Variants in CRYBG1 observed in about 807,000 individuals in gnomAD.
The protein encoded by CRYBG1 is beta/gamma crystallin domain-containing protein 1.
CRYBG1 carries 139 observed loss-of-function variants against 189.2 expected under a neutral mutation model. The observed-to-expected ratio is 0.73, with a 90% CI of 0.64 to 0.85. The LOEUF is 0.85. Ranked by LOEUF, CRYBG1 falls within the 40% of genes least tolerant of loss-of-function variation. The probability of loss-of-function intolerance (pLI) is 0.00; values close to 1 mark genes in which losing one functional copy is unlikely to be tolerated. For synonymous variants in CRYBG1, 1,023 were observed against 1,017.1 expected, an observed-to-expected ratio of 1.01 and a Z score of -0.11; for missense variants, 2,611 against 2,675.8, an observed-to-expected ratio of 0.98 and a Z score of 0.53.
At chr6:106,401,051 C>T (rs1487645797) in intron 1 of CRYBG1, among the ~76,000 whole-genome samples, 2 of 152,168 alleles carry the variant, frequency 1.3e-5, no homozygotes, top group Non-Finnish European at 2.9e-5. Flanking sequence ...ACTATATTTC[C>T]TCCTGCAAGC....
chr6:106,451,788 G>A lies in CRYBG1; in HGVS notation c.268G>A (p.Glu90Lys), dbSNP rs1278955484. Residue 90 changes from glutamate (E) to lysine (K), a missense_variant, in exon 2 of 22, where the codon GAG (glutamate) becomes AAG (lysine). Around this residue, in one of 3 missense-constraint regions of CRYBG1, gnomAD observed 985 missense variants for 924.4 expected, o/e 1.07. Transcript: ENST00000633556. ...ATCCCAGTTCTTCCACACCACCAGTGAGGCGCTTGGTTCCTTACTTCTAGA... is the reference window on the plus strand; with the variant it reads ...ATCCCAGTTCTTCCACACCACCAGTAAGGCGCTTGGTTCCTTACTTCTAGA... ...GESQFFHTTS[E>K]ALGSLLLESG... The A allele has an allele frequency of 1.3e-6, 2 of 1,535,100 alleles. No homozygotes were observed. The highest frequency in any genetic ancestry group is 1.7e-6 in the Non-Finnish European group (2 of 1,146,526).
chr6:106,383,369 G>A (rs1443185030), intron 1 of CRYBG1, among the ~76,000 whole-genome samples: 1 of 152,166 alleles, frequency 6.6e-6, no homozygotes, highest in Non-Finnish European at 1.5e-5. Flanking sequence ...CTTGCCAAGG[G>A]CACCAGGCTA....
chr6:106,391,867 A>T (rs895336540), intron 1 of CRYBG1, among the ~76,000 whole-genome samples: 1 of 151,960 alleles, frequency 6.6e-6, no homozygotes, highest in African/African-American at 2.4e-5. Context: ...TTGTCATTAG[A>T]GGTGCTCCCA....
intron 2 of CRYBG1, among the ~76,000 whole-genome samples, chr6:106,468,636 G>GTCTCACTCTATCAC (rs1772160873): frequency 6.6e-6 from 1 of 152,202 alleles, no homozygotes; most frequent in Admixed American, 6.5e-5. Flanking sequence ...GCTGCAGTGA[G>GTCTCACTCTATCAC]CCATGATAGT....
intron 21 of CRYBG1, among the ~76,000 whole-genome samples, chr6:106,566,610 T>C (rs1774896953): frequency 6.6e-6 from 1 of 151,820 alleles, no homozygotes; most frequent in Admixed American, 6.6e-5. Flanking sequence ...TAGCTGGGAT[T>C]ACAGGTGCCT....
At chr6:106,492,999 C>G (rs555686477) in intron 2 of CRYBG1, among the ~76,000 whole-genome samples, 3 of 151,196 alleles carry the variant, frequency 2.0e-5, no homozygotes, top group South Asian at 4.2e-4. Context: ...TTTAGGAGAG[C>G]CTGTTAATCT....
chr6:106,457,907 G>A (rs1173617365), intron 2 of CRYBG1, among the ~76,000 whole-genome samples: 1 of 152,212 alleles, frequency 6.6e-6, no homozygotes, highest in Admixed American at 6.5e-5. Context: ...GTTATATTTT[G>A]TGCAAAACGG....
chr6:106,510,603 TC>T (rs1018124447), intron 2 of CRYBG1, among the ~76,000 whole-genome samples: 7 of 152,006 alleles, frequency 4.6e-5, no homozygotes, highest in African/African-American at 7.3e-5. Context: ...GAGGAACGGG[TC>T]CCGGGGCGGA....
At chr6:106,539,280 T>A in intron 8 of CRYBG1, 123 bp from the exon 9 acceptor site, 1 of 1,126,310 alleles carries the variant, frequency 8.9e-7, no homozygotes, top group South Asian at 1.6e-5. Context: ...AGTCCAACCA[T>A]TCATTATGTA....
At chr6:106,493,866 G>A (rs990013658) in intron 2 of CRYBG1, among the ~76,000 whole-genome samples, 3 of 152,154 alleles carry the variant, frequency 2.0e-5, no homozygotes, top group Non-Finnish European at 4.4e-5. Context: ...TAATACCTAG[G>A]TGATGGGTTG....
At chr6:106,558,887 C>T (rs1379241828) in intron 18 of CRYBG1, among the ~76,000 whole-genome samples, 1 of 152,026 alleles carries the variant, frequency 6.6e-6, no homozygotes, top group Non-Finnish European at 1.5e-5. Flanking sequence ...CACTTGAGCA[C>T]AGTAGGTTGA....
chr6:106,520,545 A>G lies in CRYBG1; in HGVS notation c.3337A>G (p.Lys1113Glu), dbSNP rs1291902730. Reference protein sequence around the residue: ...SDMEKFTEIIKQMDSAVCMPM... With the variant: ...SDMEKFTEIIEQMDSAVCMPM... ...TATGGAAAAATTCACTGAAATTATA[A>G]AACAGATGGATAGCGCAGTTTGTAT... The change falls in exon 4 of 22, where the codon AAA becomes GAA. Residue 1113 changes from lysine (K) to glutamate (E), a missense_variant. Physicochemically the swap from Lys to Glu is moderately conservative, Grantham distance 56. Transcript: ENST00000633556. 6.2e-7 allele frequency: 1 copy of G among 1,614,144 alleles called. No homozygotes were observed. The highest frequency in any genetic ancestry group is 2.2e-5 in the East Asian group (1 of 44,888).
chr6:106,465,999 T>TG (rs1227968616), intron 2 of CRYBG1, among the ~76,000 whole-genome samples: 1 of 152,222 alleles, frequency 6.6e-6, no homozygotes, highest in African/African-American at 2.4e-5. Flanking sequence ...TTCCAGTCAT[T>TG]TGTAAAGTCA....
intron 1 of CRYBG1, among the ~76,000 whole-genome samples, chr6:106,418,694 C>T (rs1315944065): frequency 1.3e-5 from 2 of 152,120 alleles, no homozygotes; most frequent in Admixed American, 1.3e-4. Context: ...AGCATTGTAC[C>T]ATTGAAGCAA....
intron 13 of CRYBG1, among the ~76,000 whole-genome samples, 160 bp from the exon 14 acceptor site, chr6:106,551,692 C>A (rs1471889130): frequency 6.6e-6 from 1 of 152,216 alleles, no homozygotes; most frequent in East Asian, 1.9e-4. Context: ...GTCCTATAGA[C>A]AAACCCATCT....
intron 1 of CRYBG1, among the ~76,000 whole-genome samples, chr6:106,424,075 A>G (rs1364984799): frequency 1.3e-5 from 2 of 152,194 alleles, no homozygotes; most frequent in Non-Finnish European, 2.9e-5. Flanking sequence ...AATATTAGAA[A>G]CAAAGCAAAG....
Position 106,569,141 on chromosome 6 carries a change from T to TAAAC in CRYBG1, c.*579_*582dup, listed in dbSNP as rs1412491993. 4 of 152,260 alleles carry TAAAC rather than the reference T, an allele frequency of 2.6e-5. No homozygotes were observed. In the East Asian group the frequency reaches 7.7e-4, roughly 29 times the overall value. The allele number at this position is 152,260 out of a possible 1,614,324, so 9.4% of individuals were successfully genotyped here. ...AGGTATTCACACATTTAAGGAACTC[T>TAAAC]AAACAAAATACTATTTTCCTTTAGT... On this transcript the variant is annotated 3_prime_UTR_variant, in exon 22 of 22. Transcript: ENST00000633556.
chr6:106,417,057 G>A (rs186567316), intron 1 of CRYBG1, among the ~76,000 whole-genome samples: 114 of 142,554 alleles, frequency 8.0e-4, no homozygotes, highest in African/African-American at 3.0e-3. Flanking sequence ...CCAGGCTGGA[G>A]TGCACTGGCA....
chr6:106,372,488 G>C (rs764399700), intron 1 of CRYBG1, among the ~76,000 whole-genome samples: 1 of 152,166 alleles, frequency 6.6e-6, no homozygotes, highest in African/African-American at 2.4e-5. Flanking sequence ...CTGACCTCAG[G>C]TGATCTGCCC....
Sources: allele counts gnomAD v4.1 joint callset (sites outside exome capture counted in the v4.1 genomes callset), GRCh38; gene constraint gnomAD v4.1.1; regional missense constraint gnomAD v4.1.1; transcripts MANE v1.5; gene names NCBI Gene and HGNC (gene_info 2026-07-23, HGNC 2026-07-21).